FRMD4B: variants seen among roughly 807,000 people sequenced by gnomAD.
FRMD4B encodes FERM domain-containing protein 4B.
Under a neutral mutation model 141.5 loss-of-function variants are expected in FRMD4B, and 74 were observed. That is an observed-to-expected ratio of 0.52 (90% CI 0.43 to 0.63). The LOEUF (loss-of-function observed/expected upper bound fraction) is 0.63, where lower values mean the gene tolerates loss of function less well. FRMD4B is among the 30% of genes least tolerant of loss of function. The pLI is 0.00. For synonymous variants in FRMD4B, 506 were observed against 467.9 expected (o/e 1.08, Z -1.05); for missense variants, 1,366 against 1,253.4 (o/e 1.09, Z -1.36).
At chr3:69,222,147 T>A (rs2093202197) in intron 8 of FRMD4B, among the ~76,000 whole-genome samples, 1 of 151,846 alleles carries the variant, frequency 6.6e-6, no homozygotes, top group African/African-American at 2.4e-5. Flanking sequence ...ATGTAGCATA[T>A]TTATATAATA....
intron 1 of FRMD4B, among the ~76,000 whole-genome samples, chr3:69,452,282 A>G (rs1705514722): frequency 6.6e-6 from 1 of 152,272 alleles, no homozygotes; most frequent in South Asian, 2.1e-4. Context: ...TATACAAAGA[A>G]GAAGACAGTA....
chr3:69,281,834 A>ATATATAT (rs66485150), intron 5 of FRMD4B, among the ~76,000 whole-genome samples: 115 of 71,562 alleles, frequency 1.6e-3, no homozygotes, highest in African/African-American at 4.8e-3. Flanking sequence ...AAAAAAAAAA[A>ATATATAT]AAAAATATAT....
At chr3:69,529,272 T>G (rs181167028) in intron 1 of FRMD4B, among the ~76,000 whole-genome samples, 4 of 152,364 alleles carry the variant, frequency 2.6e-5, no homozygotes, top group African/African-American at 9.6e-5. Context: ...TGGAATTTCC[T>G]GATTCGTAAT....
At chr3:69,391,835 C>T (rs914086250) in intron 2 of FRMD4B, among the ~76,000 whole-genome samples, 1 of 152,152 alleles carries the variant, frequency 6.6e-6, no homozygotes, top group Non-Finnish European at 1.5e-5. Context: ...CATTTAGTGA[C>T]CTTGGGCTCT....
chr3:69,204,975 AG>A (rs2093008740), intron 11 of FRMD4B, among the ~76,000 whole-genome samples: 1 of 150,854 alleles, frequency 6.6e-6, no homozygotes, highest in African/African-American at 2.4e-5. Flanking sequence ...CCAGGCTCCA[AG>A]ATCCTCAATG....
intron 7 of FRMD4B, among the ~76,000 whole-genome samples, chr3:69,230,278 T>C (rs1287341713): frequency 6.6e-6 from 1 of 152,104 alleles, no homozygotes; most frequent in Admixed American, 6.5e-5. Context: ...GTCCGGCGAC[T>C]ATCAAACTTT....
chr3:69,357,687 A>G (rs1465687701), intron 1 of FRMD4B, among the ~76,000 whole-genome samples: 1 of 152,236 alleles, frequency 6.6e-6, no homozygotes, highest in Non-Finnish European at 1.5e-5. Context: ...CATTTCACAT[A>G]CTGAATGAAT....
intron 9 of FRMD4B, among the ~76,000 whole-genome samples, chr3:69,218,881 G>A (rs2107736885): frequency 6.6e-6 from 1 of 152,224 alleles, no homozygotes; most frequent in African/African-American, 2.4e-5. Context: ...TGTCCCCCCA[G>A]GCTGGGCGCG....
chr3:69,428,826 G>C (rs1283703696), intron 2 of FRMD4B, among the ~76,000 whole-genome samples: 10 of 152,006 alleles, frequency 6.6e-5, no homozygotes, highest in African/African-American at 2.4e-4. Context: ...GAAACTCTGT[G>C]CCCACTAAAA....
intron 2 of FRMD4B, among the ~76,000 whole-genome samples, chr3:69,423,299 C>A (rs1026879642): frequency 1.3e-5 from 2 of 152,198 alleles, no homozygotes; most frequent in African/African-American, 4.8e-5. Context: ...CAGGCATGAG[C>A]CACCACACTT....
intron 5 of FRMD4B, among the ~76,000 whole-genome samples, chr3:69,267,679 A>G (rs867958006): frequency 6.9e-4 from 36 of 52,212 alleles, no homozygotes; most frequent in African/African-American, 2.1e-3. Context: ...AGAGAGAGAG[A>G]GAGAGAGAGA....
At chr3:69,328,545 G>A (rs1176427544) in intron 1 of FRMD4B, among the ~76,000 whole-genome samples, 1 of 152,158 alleles carries the variant, frequency 6.6e-6, no homozygotes, top group Non-Finnish European at 1.5e-5. Flanking sequence ...TTAGTCACAG[G>A]ATGAGATAGG....
rs558045438 is a variant in FRMD4B at position 69,442,971 on chromosome 3, G to A, written c.-128-10210C>T. ...GAGCTTCTGAAATTCTTGTAACTTC[G>A]GAGTGATTGGGGTGAGAGAAGCATC... On this transcript the variant is annotated intron_variant, in intron 1 of 5. Coordinates refer to the FRMD4B transcript ENST00000459638. Among the ~76,000 whole-genome samples the A allele has an allele frequency of 3.9e-5, 6 of 152,238 alleles. No homozygotes were observed. In the East Asian group the frequency reaches 5.8e-4, roughly 15 times the overall value.
At position 69,486,530 on chromosome 3, in the gene FRMD4B, C is replaced by T. The variant is rs941747439; in HGVS notation, c.-128-53769G>A. On this transcript the variant is annotated intron_variant, in intron 1 of 5. Transcript: ENST00000459638. ...TGGCCTGTGGATTGCTGGTTTGAAT[C>T]TCTGCCAGGTAACTAAGCCATTAAG... Among the ~76,000 whole-genome samples, 5 of 152,266 alleles carry T rather than the reference C, an allele frequency of 3.3e-5. No homozygotes were observed. The Middle Eastern group carries it at 0.01, about 311-fold the overall frequency.
At chr3:69,185,725 A>T (rs2092759393) in intron 19 of FRMD4B, among the ~76,000 whole-genome samples, 1 of 152,148 alleles carries the variant, frequency 6.6e-6, no homozygotes, top group Admixed American at 6.5e-5. Flanking sequence ...GAAAAAACAT[A>T]AACAGTATCT....
At chr3:69,191,484 G>A (rs1177325745) in intron 17 of FRMD4B, among the ~76,000 whole-genome samples, 1 of 152,166 alleles carries the variant, frequency 6.6e-6, no homozygotes, top group African/African-American at 2.4e-5. Flanking sequence ...TATCTCAGAT[G>A]TGTTGATCTG....
At chr3:69,355,047 A>G (rs1277082496) in intron 1 of FRMD4B, among the ~76,000 whole-genome samples, 2 of 152,154 alleles carry the variant, frequency 1.3e-5, no homozygotes, top group African/African-American at 4.8e-5. Flanking sequence ...AAAGCTGGGC[A>G]ATGATATTCC....
At chr3:69,398,108 T>C (rs1343251756) in intron 2 of FRMD4B, among the ~76,000 whole-genome samples, 1 of 152,160 alleles carries the variant, frequency 6.6e-6, no homozygotes, top group Non-Finnish European at 1.5e-5. Flanking sequence ...ACTGAGTGCA[T>C]GCATGTAAGG....
At chr3:69,222,755 G>C (rs35423263) in intron 8 of FRMD4B, among the ~76,000 whole-genome samples, 16,974 of 138,776 alleles carry the variant, frequency 0.12, 1,071 homozygotes, top group African/African-American at 0.18. Context: ...TGGGCAACAA[G>C]AGCAAAACTC....
Sources: allele counts gnomAD v4.1 joint callset (sites outside exome capture counted in the v4.1 genomes callset), GRCh38; gene constraint gnomAD v4.1.1; transcripts MANE v1.5; gene names NCBI Gene and HGNC (gene_info 2026-07-23, HGNC 2026-07-21).